ABHD2: variants seen among roughly 807,000 people sequenced by gnomAD.
ABHD2 encodes abhydrolase domain containing 2, acylglycerol lipase, also known as monoacylglycerol lipase ABHD2.
A neutral mutation model predicts 48.1 loss-of-function variants in ABHD2; 20 were observed. The ratio of observed to expected loss-of-function variants is 0.42; its 90% CI spans 0.29 to 0.60. The LOEUF (loss-of-function observed/expected upper bound fraction) is 0.60. Ranked by LOEUF, ABHD2 falls within the 20% of genes least tolerant of loss-of-function variation. ABHD2 has a pLI of 0.24. For missense variants in ABHD2, 405 were observed against 550.9 expected, an observed-to-expected ratio of 0.74 and a Z score of 2.65; for synonymous variants, 209 against 214.2, an observed-to-expected ratio of 0.98 and a Z score of 0.21.
At chr15:89,045,172 C>T in the ABHD2 span, among the ~76,000 whole-genome samples, 5 of 152,020 alleles carry the variant, frequency 3.3e-5, no homozygotes, top group Non-Finnish European at 7.4e-5. Flanking sequence ...ATCCTTTCCC[C>T]ATTGCTTGTT....
At chr15:89,077,704 A>G in the ABHD2 span, among the ~76,000 whole-genome samples, 1 of 152,228 alleles carries the variant, frequency 6.6e-6, no homozygotes, top group Non-Finnish European at 1.5e-5. Flanking sequence ...AGGGTTTTAT[A>G]AATGTTAGCT....
chr15:89,136,334 A>G, intron 3 of ABHD2: 1 of 508,508 alleles, frequency 2.0e-6, no homozygotes. Flanking sequence ...CTTTCTGTTT[A>G]GTAGGCATGG....
intron 3 of ABHD2, among the ~76,000 whole-genome samples, chr15:89,139,526 G>C (rs922659436): frequency 5.9e-5 from 9 of 152,050 alleles, no homozygotes; most frequent in Admixed American, 2.0e-4. Context: ...CACAGCACTC[G>C]TATTTGTTGA....
At chr15:89,154,149 C>G (rs533150254) in intron 4 of ABHD2, among the ~76,000 whole-genome samples, 1 of 152,124 alleles carries the variant, frequency 6.6e-6, no homozygotes. Context: ...TTTACAGATA[C>G]GGTCATTGTG....
chr15:89,171,409 A>C (rs1280173870), intron 5 of ABHD2, among the ~76,000 whole-genome samples: 1 of 152,216 alleles, frequency 6.6e-6, no homozygotes. Context: ...TCTGAGAACC[A>C]CTGAGCTAGA....
Position 89,091,538 on chromosome 15 carries a change from TG to T in ABHD2, c.-107+2977del, listed in dbSNP as rs1901596312. On this transcript the variant is annotated intron_variant, in intron 1 of 10. Coordinates refer to ENST00000352732, the MANE Select transcript of ABHD2 (RefSeq NM_152924.5). This position sits in a 1 kb window ranked among gnomAD's most constrained non-coding sequence, Gnocchi z 5.5. ...TGCTTTAAGCATTTACGCCTTTTCC[TG>T]GTAATCTCCGGCAGGACCCATAACC... Among the ~76,000 whole-genome samples, 1 of 152,206 alleles carries T rather than the reference TG, an allele frequency of 6.6e-6. No individual in the cohort carries two copies. Among genetic ancestry groups the T allele is most frequent in the Non-Finnish European group, 1.5e-5 (1 of 68,032 alleles).
chr15:89,185,966 G>A lies in ABHD2; in HGVS notation c.815+450G>A, dbSNP rs1320046645. ...TGGGTGACAGAGCGAGACCCTGTCT[G>A]AAAAAAAAGAAAAGAAACCTGTCCC... is the stretch of plus-strand genomic sequence containing the variant. On this transcript the variant is annotated intron_variant, in intron 7 of 10. Coordinates refer to ENST00000352732, the MANE Select transcript of ABHD2 (RefSeq NM_152924.5). This position sits in a 1 kb window ranked among gnomAD's most constrained non-coding sequence, Gnocchi z 5.9. Among the ~76,000 whole-genome samples, 1 of 151,874 alleles carries A rather than the reference G, an allele frequency of 6.6e-6. No homozygotes were observed. Among genetic ancestry groups the A allele is most frequent in the Non-Finnish European group, 1.5e-5 (1 of 67,942 alleles).
the ABHD2 span, among the ~76,000 whole-genome samples, chr15:89,051,443 G>A: frequency 2.4e-4 from 37 of 152,246 alleles, no homozygotes; most frequent in South Asian, 8.3e-4. Context: ...GATGAACACC[G>A]TAGCTCAGGC....
At chr15:89,187,036 GCA>G (rs1244137025) in intron 7 of ABHD2, among the ~76,000 whole-genome samples, 8 of 152,246 alleles carry the variant, frequency 5.3e-5, no homozygotes, top group Admixed American at 3.3e-4. Flanking sequence ...TGTGTGCTGG[GCA>G]CTGAGGTGCG....
intron 6 of ABHD2, among the ~76,000 whole-genome samples, chr15:89,180,139 A>T (rs4932478): frequency 0.5 from 75,792 of 151,706 alleles, 19,342 homozygotes; most frequent in East Asian, 0.67. Flanking sequence ...AGAGGGGGAA[A>T]CTGCAGCGTT....
chr15:89,177,186 G>A lies in ABHD2; in HGVS notation c.722+1191G>A, dbSNP rs74029938. Among the ~76,000 whole-genome samples, 416 of 152,328 alleles carry A rather than the reference G, an allele frequency of 2.7e-3. 2 individuals are homozygous for A. Among genetic ancestry groups the A allele is most frequent in the African/African-American group, 9.2e-3 (384 of 41,562 alleles). On this transcript the variant is annotated intron_variant, in intron 6 of 10. Transcript: ENST00000352732. The surrounding 1 kb of genome is among the most constrained non-coding windows in gnomAD (Gnocchi z 5.6). ...TATTTTTCCGTGCCGGCAATATGGG[G>A]ATGATGATGATAAGCAGTACCTACC...
rs80311864 is a variant in ABHD2, at chr15:89,110,404, C to G, written c.-106-3321C>G. Among the ~76,000 whole-genome samples the G allele has an allele frequency of 2.1e-3, 322 of 152,226 alleles. 2 individuals carry two copies. Among genetic ancestry groups the G allele is most frequent in the African/African-American group, 7.5e-3 (312 of 41,542 alleles). On this transcript the variant is annotated intron_variant, in intron 1 of 10. Coordinates refer to ENST00000352732, the MANE Select transcript of ABHD2 (RefSeq NM_152924.5). ...AAAAATTTTCATCTGATTGGTTGAA[C>G]CTGCAGTTAAGGAGGAACAACTGTA...
At chr15:89,149,713 C>T (rs140110708) in intron 3 of ABHD2, among the ~76,000 whole-genome samples, 21 of 152,342 alleles carry the variant, frequency 1.4e-4, no homozygotes, top group Middle Eastern at 3.4e-3. Context: ...GCAAAGACTC[C>T]TCAGATAAAA....
Position 89,174,522 on chromosome 15 carries a change from G to C in ABHD2, c.539-1290G>C, listed in dbSNP as rs2050979889. Reference sequence around the variant, plus strand: ...GCTTAGGCTACATCCTACCACAAAAGAAGACAGATATAAGGGGAGTTTACC... The same window carrying C: ...GCTTAGGCTACATCCTACCACAAAACAAGACAGATATAAGGGGAGTTTACC... On this transcript the variant is annotated intron_variant, in intron 5 of 10. Transcript: ENST00000352732. This position sits in a 1 kb window ranked among gnomAD's most constrained non-coding sequence, Gnocchi z 4.1. Among the ~76,000 whole-genome samples, 1 of 152,166 alleles carries C rather than the reference G, an allele frequency of 6.6e-6. No individual in the cohort carries two copies. Among genetic ancestry groups the C allele is most frequent in the Non-Finnish European group, 1.5e-5 (1 of 68,022 alleles).
chr15:89,127,410 T>C (rs1055965774), intron 3 of ABHD2, among the ~76,000 whole-genome samples: 1 of 151,940 alleles, frequency 6.6e-6, no homozygotes, highest in African/African-American at 2.4e-5. Flanking sequence ...GAGAGATTTG[T>C]GAGAAACAGC....
chr15:89,180,674 T>C (rs1397167255), intron 6 of ABHD2, among the ~76,000 whole-genome samples: 1 of 152,188 alleles, frequency 6.6e-6, no homozygotes, highest in East Asian at 1.9e-4. Context: ...GGCCCGGCTG[T>C]GCAAGGCAGG....
chr15:89,084,765 A>G (rs1168050235), upstream of ABHD2, among the ~76,000 whole-genome samples: 3 of 152,218 alleles, frequency 2.0e-5, no homozygotes, highest in African/African-American at 7.2e-5. The surrounding 1 kb of genome is among the most constrained non-coding windows in gnomAD (Gnocchi z 4.4). Flanking sequence ...AAACATTTTT[A>G]GGTATTTGCC....
At position 89,175,719 on chromosome 15, in the gene ABHD2, A is replaced by G; in HGVS notation, c.539-93A>G. On this transcript the variant is annotated intron_variant, in intron 5 of 10. Transcript: ENST00000352732. This position sits in a 1 kb window ranked among gnomAD's most constrained non-coding sequence, Gnocchi z 5.7. ...CATATATATTTCTCTCTCTTTTAGTATACTGGCACCCATTTAGTAACGTTC... is the reference window on the plus strand; with the variant it reads ...CATATATATTTCTCTCTCTTTTAGTGTACTGGCACCCATTTAGTAACGTTC... The G allele has an allele frequency of 7.5e-7, 1 of 1,336,522 alleles. No homozygotes were observed. The highest frequency in any genetic ancestry group is 1.8e-5 in the Admixed American group (1 of 54,476). The allele number at this position is 1,336,522 out of a possible 1,614,324, so 82.8% of individuals were successfully genotyped here. A position where few individuals can be genotyped will look rare whatever the true frequency, so the allele number is the denominator to read the frequency against.
the ABHD2 span, among the ~76,000 whole-genome samples, chr15:89,051,714 C>T: frequency 6.6e-6 from 1 of 152,214 alleles, no homozygotes; most frequent in East Asian, 1.9e-4. Flanking sequence ...GATGCTCTCT[C>T]TTGCCTGCTG....
Sources: gnomAD v4.1 joint callset for allele counts (sites outside exome capture counted in the v4.1 genomes callset) on GRCh38, gnomAD v4.1.1 for gene constraint, Gnocchi (gnomAD v3.1) non-coding constraint, MANE v1.5 for transcripts, NCBI Gene and HGNC (gene_info 2026-07-23, HGNC 2026-07-21) for gene names.